TBX1: variants seen among roughly 807,000 people sequenced by gnomAD.
TBX1 encodes the protein T-box transcription factor 1.
Under a neutral mutation model 40.8 loss-of-function variants are expected in TBX1, and 16 were observed. That is an observed-to-expected ratio of 0.39 (90% CI 0.27 to 0.60). TBX1 has a LOEUF of 0.60. Ranked by LOEUF, TBX1 falls within the 20% of genes least tolerant of loss-of-function variation. The pLI, the probability that TBX1 is intolerant of heterozygous loss-of-function variation, is 0.51. For missense variants in TBX1, 755 were observed against 728.5 expected (o/e 1.04, Z -0.42); for synonymous variants, 403 against 336.8 (o/e 1.20, Z -2.15).
chr22:19,759,977 A>G (rs1004327942), upstream of TBX1, among the ~76,000 whole-genome samples: 6 of 152,228 alleles, frequency 3.9e-5, no homozygotes, highest in Non-Finnish European at 8.8e-5. Context: ...AGGAAAGTTA[A>G]TAAGAGAGGA....
At chr22:19,761,615 G>A (rs2145829410) in intron 1 of TBX1, among the ~76,000 whole-genome samples, 2 of 152,180 alleles carry the variant, frequency 1.3e-5, no homozygotes, top group African/African-American at 4.8e-5. Flanking sequence ...GGCTTGGGGC[G>A]CACCCGGCTG....
At position 19,767,162 on chromosome 22, in the gene TBX1, A is replaced by G; in HGVS notation, c.*295A>G. 1 of 1,208,750 alleles carries G rather than the reference A, an allele frequency of 8.3e-7. No homozygotes were observed. Among genetic ancestry groups the G allele is most frequent in the Non-Finnish European group, 1.0e-6 (1 of 971,348 alleles). The allele number at this position is 1,208,750 out of a possible 1,614,324, so 74.9% of individuals were successfully genotyped here. On this transcript the variant is annotated 3_prime_UTR_variant, in exon 7 of 7. Coordinates refer to ENST00000649276, the MANE Select transcript of TBX1 (RefSeq NM_001379200.1). ...AAAGCGCCCGGTCGGAGGCGGAAGG[A>G]AGTGATATTTATTGTTCTCCCCGAG...
At chr22:19,757,673 C>T (rs116008339), upstream of TBX1, among the ~76,000 whole-genome samples, 959 of 152,302 alleles carry the variant, frequency 6.3e-3, 11 homozygotes, top group African/African-American at 0.022. Context: ...TCCCTACCAC[C>T]CGCCTCCACG....
chr22:19,765,134 C>T (rs375556922), intron 4 of TBX1, 21 bp downstream of exon 4: 67 of 1,613,928 alleles, frequency 4.2e-5, no homozygotes, highest in Non-Finnish European at 5.3e-5. Context: ...GTGGGGAGGA[C>T]CTGAGCGGAT....
At position 19,764,782 on chromosome 22, in the gene TBX1, A is replaced by G. The variant is rs41298828; in HGVS notation, c.712-176A>G. Among the ~76,000 whole-genome samples, 1,272 of 152,276 alleles carry G rather than the reference A, an allele frequency of 8.4e-3. 21 individuals are homozygous for G. The highest frequency in any genetic ancestry group is 0.029 in the African/African-American group (1,214 of 41,536). ...TGGAGCTCATTCCTGGCAGTTGCCA[A>G]TGGGTCACAGCCTCCTCTTGGCCCA... On this transcript the variant is annotated intron_variant, in intron 3 of 6. Transcript: ENST00000649276.
At chr22:19,768,105 G>A (rs1250785097), downstream of TBX1, among the ~76,000 whole-genome samples, 3 of 152,208 alleles carry the variant, frequency 2.0e-5, no homozygotes, top group East Asian at 5.8e-4. Context: ...CAAGCAGGAA[G>A]GGCTGACAGC....
chr22:19,779,180 G>A (rs1937111474), intron 8 of TBX1: 1 of 1,610,460 alleles, frequency 6.2e-7, no homozygotes, highest in South Asian at 1.1e-5. Context: ...CCTCTGACAT[G>A]GTACTTCATC....
At chr22:19,762,606 G>A (rs965791542) in intron 1 of TBX1, among the ~76,000 whole-genome samples, 4 of 152,192 alleles carry the variant, frequency 2.6e-5, no homozygotes, top group Non-Finnish European at 5.9e-5. Flanking sequence ...GGGTAGCTGC[G>A]TCTTGGGGTT....
At position 19,761,300 on chromosome 22, in the gene TBX1, C is replaced by A. The variant is rs757015627; in HGVS notation, c.437+20C>A. ...CGGCAGGTCAGGGCGCCCCTCCCCACGCCGCGACCCTCCCCACGTGCTGCC... is the reference window on the plus strand; with the variant it reads ...CGGCAGGTCAGGGCGCCCCTCCCCAAGCCGCGACCCTCCCCACGTGCTGCC... On this transcript the variant is annotated intron_variant, in intron 1 of 6. Transcript: ENST00000649276. The A allele has an allele frequency of 1.3e-6, 2 of 1,531,430 alleles. No individual in the cohort carries two copies. The highest frequency in any genetic ancestry group is 1.8e-6 in the Non-Finnish European group (2 of 1,135,574). 94.9% of individuals were successfully genotyped at this position (1,531,430 alleles called of 1,614,324 possible).
rs41297822 is a variant in TBX1, at chr22:19,776,864, A to T, written c.1010-2356A>T. On this transcript the variant is annotated intron_variant, in intron 8 of 8. Transcript: ENST00000329705. ...ACGGAGGGAAGGAAGCAGGCTCGGG[A>T]GGTGCCGTGCCGCGTGGCTCTGTTT... Among the ~76,000 whole-genome samples, 565 of 152,118 alleles carry T rather than the reference A, an allele frequency of 3.7e-3. 7 individuals carry two copies. Among genetic ancestry groups the T allele is most frequent in the African/African-American group, 0.012 (513 of 41,498 alleles).
At chr22:19,770,713 G>C (rs1936975801), downstream of TBX1, among the ~76,000 whole-genome samples, 1 of 152,228 alleles carries the variant, frequency 6.6e-6, no homozygotes, top group African/African-American at 2.4e-5. Context: ...GTATGAGGCT[G>C]AGGCCCTGAT....
upstream of TBX1, chr22:19,759,383 G>C: frequency 1.5e-6 from 1 of 681,376 alleles, no homozygotes; most frequent in African/African-American, 1.9e-5. Flanking sequence ...CCCTGGCAGT[G>C]AGTGGCACCA....
chr22:19,768,963 T>TC, downstream of TBX1, among the ~76,000 whole-genome samples: 1 of 136,280 alleles, frequency 7.3e-6, no homozygotes, highest in East Asian at 2.3e-4. Context: ...CTTTTTTTTT[T>TC]TTTTTTTTTT....
At position 19,761,065 on chromosome 22, in the gene TBX1, G is replaced by T; in HGVS notation, c.222G>T (p.Pro74=). 1 of 921,846 alleles carries T rather than the reference G, an allele frequency of 1.1e-6. No individual in the cohort carries two copies. The highest frequency in any genetic ancestry group is 1.3e-6 in the Non-Finnish European group (1 of 771,744). 57.1% of individuals were successfully genotyped at this position (921,846 alleles called of 1,614,324 possible). The change falls in exon 1 of 7, where the codon CCG becomes CCT. Residue 74 remains proline (P), a synonymous_variant. Coordinates refer to ENST00000649276, the MANE Select transcript of TBX1 (RefSeq NM_001379200.1). Reference sequence around the variant, plus strand: ...CCCCCGGCGCCCCGGGCCCGCCGCCGCCGCCGCACGCCTACCCGTTTGCGC... The same window carrying T: ...CCCCCGGCGCCCCGGGCCCGCCGCCTCCGCCGCACGCCTACCCGTTTGCGC... ...AAAPGAPGPP[P]PPHAYPFAPA... is the part of the protein sequence containing the mutation.
At chr22:19,758,316 G>A (rs1030518534), upstream of TBX1, among the ~76,000 whole-genome samples, 29 of 151,726 alleles carry the variant, frequency 1.9e-4, no homozygotes, top group African/African-American at 6.3e-4. Context: ...GCTCCAGCAA[G>A]GCACAGAGGC....
chr22:19,773,464 C>T (rs1040315655), intron 8 of TBX1, among the ~76,000 whole-genome samples: 10 of 152,178 alleles, frequency 6.6e-5, no homozygotes, highest in South Asian at 2.1e-4. Context: ...CCTAGCACCC[C>T]ACGGAGGCAT....
downstream of TBX1, among the ~76,000 whole-genome samples, chr22:19,782,073 T>C (rs1293996572): frequency 1.3e-5 from 2 of 152,238 alleles, no homozygotes. Flanking sequence ...TTATAGTAAA[T>C]TTTGAAACCA....
chr22:19,766,689 C>A lies in TBX1; in HGVS notation c.1337C>A (p.Pro446Gln). 6.5e-7 allele frequency: 1 copy of A among 1,549,162 alleles called. No individual in the cohort carries two copies. Among genetic ancestry groups the A allele is most frequent in the East Asian group, 2.6e-5 (1 of 38,836 alleles). The change falls in exon 7 of 7, where the codon CCG (proline) becomes CAG (glutamine). Residue 446 changes from proline (P) to glutamine (Q), a missense_variant. Pro to Gln is a moderately conservative substitution (Grantham distance 76). This residue lies in a region of TBX1 where 412 missense variants were observed against 317.6 expected (regional missense o/e 1.30). Coordinates refer to ENST00000649276, the MANE Select transcript of TBX1 (RefSeq NM_001379200.1). The stretch of plus-strand genomic sequence containing the variant: ...GCCAAGAGCCGGCCGGCGCCCTACC[C>A]GCTGCCCGGCCTGCGTGGCCACGGC... ...LGAKSRPAPY[P>Q]LPGLRGHGYH...
chr22:19,758,236 C>A (rs552760185), upstream of TBX1, among the ~76,000 whole-genome samples: 1 of 152,190 alleles, frequency 6.6e-6, no homozygotes, highest in Non-Finnish European at 1.5e-5. Context: ...CATGCACAAG[C>A]GAAGGCTGCA....
Sources: allele counts gnomAD v4.1 joint callset (sites outside exome capture counted in the v4.1 genomes callset), GRCh38; gene constraint gnomAD v4.1.1; regional missense constraint gnomAD v4.1.1; transcripts MANE v1.5; gene names NCBI Gene and HGNC (gene_info 2026-07-23, HGNC 2026-07-21).